The following ATP8A1 variants were observed in gnomAD, a reference collection of about 807,000 sequenced individuals.
The protein encoded by ATP8A1 is phospholipid-transporting ATPase IA.
ATP8A1 carries 90 observed loss-of-function variants against 177.7 expected under a neutral mutation model. The ratio of observed to expected loss-of-function variants is 0.51; its 90% CI spans 0.43 to 0.60. The LOEUF (loss-of-function observed/expected upper bound fraction) is 0.60. Among genes scored for constraint, ATP8A1 ranks in the 20% least tolerant of loss-of-function variants. ATP8A1 has a pLI of 0.00. For synonymous variants in ATP8A1, 493 were observed against 485.9 expected (o/e 1.01, Z -0.19); for missense variants, 1,072 against 1,392.8 (o/e 0.77, Z 3.67).
chr4:42,561,996 C>A (rs1229650559), intron 15 of ATP8A1: 1 of 152,014 alleles, frequency 6.6e-6, no homozygotes, highest in Non-Finnish European at 1.5e-5. Context: ...CTCTTGGAGC[C>A]CTCATCTTTC....
intron 15 of ATP8A1, among the ~76,000 whole-genome samples, chr4:42,560,826 T>C (rs925081426): frequency 8.5e-5 from 13 of 152,128 alleles, no homozygotes; most frequent in African/African-American, 2.4e-4. Context: ...AATATTAGAT[T>C]GGTGCAAAAG....
At chr4:42,645,103 C>T (rs1290263087) in intron 1 of ATP8A1, among the ~76,000 whole-genome samples, 1 of 152,150 alleles carries the variant, frequency 6.6e-6, no homozygotes, top group Non-Finnish European at 1.5e-5. Flanking sequence ...GTAGATATAA[C>T]ACCAGCTAAA....
chr4:42,467,267 G>T (rs1288546593), intron 25 of ATP8A1, among the ~76,000 whole-genome samples: 1 of 152,138 alleles, frequency 6.6e-6, no homozygotes, highest in Non-Finnish European at 1.5e-5. Context: ...GTTAAATGAG[G>T]TGTTAAAGAG....
intron 33 of ATP8A1, among the ~76,000 whole-genome samples, chr4:42,436,151 CT>C (rs1715970977): frequency 1.3e-5 from 2 of 152,168 alleles, no homozygotes; most frequent in Non-Finnish European, 2.9e-5. Flanking sequence ...CTTCGTTCAG[CT>C]TTCATACGTT....
At chr4:42,439,774 T>C (rs1716414784) in intron 33 of ATP8A1, among the ~76,000 whole-genome samples, 1 of 152,204 alleles carries the variant, frequency 6.6e-6, no homozygotes, top group Non-Finnish European at 1.5e-5. Context: ...TACAAATCCC[T>C]GAAATACCTG....
chr4:42,639,382 G>C (rs1321226384), intron 1 of ATP8A1, among the ~76,000 whole-genome samples: 5 of 152,116 alleles, frequency 3.3e-5, no homozygotes, highest in Non-Finnish European at 7.4e-5. Flanking sequence ...GAATTGATGA[G>C]ATGAGCCTGC....
At chr4:42,643,076 TCA>T (rs2109554141) in intron 1 of ATP8A1, among the ~76,000 whole-genome samples, 1 of 152,276 alleles carries the variant, frequency 6.6e-6, no homozygotes, top group South Asian at 2.1e-4. Context: ...AACGCAGTGA[TCA>T]CGTGAAAGAC....
In ATP8A1 at chr4:42,455,341, C is replaced by T. The variant is rs1194505939; in HGVS notation, c.2773G>A (p.Glu925Lys). The T allele has an allele frequency of 6.2e-7, 1 of 1,613,792 alleles. No individual in the cohort carries two copies. The highest frequency in any genetic ancestry group is 8.5e-7 in the Non-Finnish European group (1 of 1,179,822). Residue 925 changes from glutamate to lysine, a missense_variant, in exon 29 of 37, where the codon GAA (glutamate) becomes AAA (lysine). By Grantham distance (56) the Glu-to-Lys change is moderately conservative. Coordinates refer to ENST00000381668, the MANE Select transcript of ATP8A1 (RefSeq NM_006095.2). ...GCATTCTGAGATGTTTTGTATAATTCAGGGTACTTCAACATGTTCTCTTTT... is the reference window on the plus strand; with the variant it reads ...GCATTCTGAGATGTTTTGTATAATTTAGGGTACTTCAACATGTTCTCTTTT... ...CRKENMLKYP[E>K]LYKTSQNALD...
chr4:42,648,186 A>G (rs1740732531), intron 1 of ATP8A1, among the ~76,000 whole-genome samples: 1 of 152,204 alleles, frequency 6.6e-6, no homozygotes, highest in Non-Finnish European at 1.5e-5. Flanking sequence ...ACTTGATTCA[A>G]TGATGTACTC....
chr4:42,475,789 G>A (rs1720997861), intron 25 of ATP8A1, among the ~76,000 whole-genome samples: 1 of 152,090 alleles, frequency 6.6e-6, no homozygotes, highest in African/African-American at 2.4e-5. Context: ...TGTAATCCCA[G>A]CGCTTTGGGA....
intron 25 of ATP8A1, among the ~76,000 whole-genome samples, chr4:42,466,458 C>T (rs1433701385): frequency 2.0e-5 from 3 of 152,262 alleles, no homozygotes; most frequent in Non-Finnish European, 4.4e-5. Flanking sequence ...TCAGGAGGCC[C>T]CACTGCCCTT....
intron 24 of ATP8A1, among the ~76,000 whole-genome samples, chr4:42,494,811 G>T (rs1342378372): frequency 1.3e-5 from 2 of 152,146 alleles, no homozygotes; most frequent in Non-Finnish European, 2.9e-5. Flanking sequence ...CCACATCAAT[G>T]TATGTATTTG....
At chr4:42,419,409 G>A (rs999829087) in intron 35 of ATP8A1, among the ~76,000 whole-genome samples, 1 of 152,136 alleles carries the variant, frequency 6.6e-6, no homozygotes, top group African/African-American at 2.4e-5. Flanking sequence ...AATGCAATGC[G>A]ATCAGTGTAC....
intron 1 of ATP8A1, among the ~76,000 whole-genome samples, chr4:42,627,620 T>C (rs918347423): frequency 7.2e-5 from 11 of 152,224 alleles, no homozygotes; most frequent in African/African-American, 2.7e-4. Context: ...TTTCTCCAGT[T>C]AGAATTCATG....
chr4:42,503,424 T>C, intron 24 of ATP8A1, 26 bp downstream of exon 24: 1 of 1,357,446 alleles, frequency 7.4e-7, no homozygotes, highest in South Asian at 1.2e-5. Flanking sequence ...ATTAAAGGAG[T>C]TTTAAAAATA....
In ATP8A1 at chr4:42,501,934, T is replaced by C. The variant is rs563321831; in HGVS notation, c.2151+1516A>G. ...TTAGTGTTAATCCATTCAGCCACAG[T>C]GTTTGCCTGTGATCTTTAAACTGCT... On this transcript the variant is annotated intron_variant, in intron 24 of 36. Transcript: ENST00000381668. 8.9e-4 allele frequency among the ~76,000 whole-genome samples: 135 copies of C among 152,352 alleles called. 1 individual carries two copies. Among genetic ancestry groups the C allele is most frequent in the Admixed American group, 1.6e-3 (24 of 15,302 alleles).
At chr4:42,564,181 AG>A (rs1344906071) in intron 15 of ATP8A1, among the ~76,000 whole-genome samples, 2 of 152,176 alleles carry the variant, frequency 1.3e-5, no homozygotes, top group East Asian at 1.9e-4. Context: ...TCCAGGCAAA[AG>A]TTTGCTATAG....
At chr4:42,551,139 T>C (rs1729459608) in intron 18 of ATP8A1, 59 bp downstream of exon 18, 4 of 1,387,132 alleles carry the variant, frequency 2.9e-6, no homozygotes, top group African/African-American at 1.4e-5. Context: ...TACTTTATCT[T>C]TGAAGCTATG....
chr4:42,641,175 A>AT (rs1739953713), intron 1 of ATP8A1, among the ~76,000 whole-genome samples: 1 of 152,166 alleles, frequency 6.6e-6, no homozygotes, highest in African/African-American at 2.4e-5. Context: ...ACATGAAAAA[A>AT]ATCAGAATTC....
Sources: allele counts gnomAD v4.1 joint callset (sites outside exome capture counted in the v4.1 genomes callset), GRCh38; gene constraint gnomAD v4.1.1; transcripts MANE v1.5; gene names NCBI Gene and HGNC (gene_info 2026-07-23, HGNC 2026-07-21).